The following UGT1A3 variants were observed in gnomAD, a reference collection of about 807,000 sequenced individuals.
UGT1A3 encodes UDP-glucuronosyltransferase 1A3.
A neutral mutation model predicts 41.0 loss-of-function variants in UGT1A3; 31 were observed. The observed-to-expected ratio is 0.76, with a 90% CI of 0.57 to 1.02. The LOEUF is 1.02. Among genes scored for constraint, UGT1A3 ranks in the 50% least tolerant of loss-of-function variants. UGT1A3 has a pLI of 0.00. For missense variants in UGT1A3, 737 were observed against 671.0 expected (o/e 1.10, Z -1.09); for synonymous variants, 262 against 257.6 (o/e 1.02, Z -0.17).
intron 1 of UGT1A3, among the ~76,000 whole-genome samples, chr2:233,739,789 G>C (rs1409404802): frequency 6.6e-6 from 1 of 152,118 alleles, no homozygotes; most frequent in African/African-American, 2.4e-5. Context: ...AGACTTTGGA[G>C]GACAGTTGGG....
intron 1 of UGT1A3, chr2:233,754,796 A>T (rs1379144475): frequency 8.1e-7 from 1 of 1,232,848 alleles, no homozygotes; most frequent in African/African-American, 1.5e-5. Context: ...GAAATCCTGT[A>T]TCAAAAGAAG....
At chr2:233,761,742 A>T (rs1697852650) in intron 1 of UGT1A3, among the ~76,000 whole-genome samples, 2 of 152,204 alleles carry the variant, frequency 1.3e-5, no homozygotes, top group South Asian at 4.1e-4. Flanking sequence ...TCCCCTACAG[A>T]GTTTGAAGTA....
In UGT1A3 at chr2:233,729,968, G is replaced by A. The variant is rs201755757; in HGVS notation, c.842G>A (p.Cys281Tyr). 2.4e-5 allele frequency: 39 copies of A among 1,613,890 alleles called. No individual in the cohort carries two copies. Among genetic ancestry groups the A allele is most frequent in the Non-Finnish European group, 7.6e-6 (9 of 1,179,926 alleles). ...PNMVFIGGIN[C>Y]ANRKPLSQEF... ...ATGGTCTTCATTGGGGGCATCAACTGTGCCAACAGGAAGCCACTATCTCAG... is the reference window on the plus strand; with the variant it reads ...ATGGTCTTCATTGGGGGCATCAACTATGCCAACAGGAAGCCACTATCTCAG... Residue 281 changes from cysteine (C) to tyrosine (Y), a missense_variant, in exon 1 of 5, where the codon TGT becomes TAT. Cys to Tyr is a radical substitution (Grantham distance 194, BLOSUM62 -2). Coordinates refer to ENST00000482026, the MANE Select transcript of UGT1A3 (RefSeq NM_019093.4).
chr2:233,767,666 C>T (rs143192680), intron 2 of UGT1A3, among the ~76,000 whole-genome samples, 183 bp from the exon 3 acceptor site: 1 of 152,190 alleles, frequency 6.6e-6, no homozygotes, highest in East Asian at 1.9e-4. Flanking sequence ...ACCCTTGTAA[C>T]TAAACCTCCA....
rs539398300 is a variant in UGT1A3 at position 233,755,129 on chromosome 2, C to T, written c.868-11905C>T. The T allele has an allele frequency of 4.5e-6, 6 of 1,320,750 alleles. No individual in the cohort carries two copies. The South Asian group carries it at 5.7e-5, about 13-fold the overall frequency. 81.8% of individuals were successfully genotyped at this position (1,320,750 alleles called of 1,614,324 possible). ...ACACCTCGTAGGCCTCAGCCACCTG[C>T]TTGAATCTTCTCACCGCTTCCTCCC... On this transcript the variant is annotated intron_variant, in intron 1 of 4. Transcript: ENST00000482026.
intron 4 of UGT1A3, among the ~76,000 whole-genome samples, chr2:233,771,772 C>T (rs536423324): frequency 2.8e-4 from 43 of 152,144 alleles, no homozygotes; most frequent in African/African-American, 1.0e-3. Flanking sequence ...CCGTCCCTCT[C>T]TCCTTTCCTC....
intron 1 of UGT1A3, chr2:233,747,945 G>T (rs1354187104): frequency 6.2e-7 from 1 of 1,613,364 alleles, no homozygotes; most frequent in East Asian, 2.2e-5. Flanking sequence ...GGAGGTGTCA[G>T]TGGTGGATCT....
chr2:233,755,060 C>T, intron 1 of UGT1A3: 1 of 1,334,970 alleles, frequency 7.5e-7, no homozygotes, highest in Non-Finnish European at 1.0e-6. Context: ...CCGCCCTCGC[C>T]TCGCCATAGC....
At chr2:233,733,770 T>C (rs1256243948) in intron 1 of UGT1A3, among the ~76,000 whole-genome samples, 2 of 152,350 alleles carry the variant, frequency 1.3e-5, no homozygotes, top group East Asian at 3.9e-4. Context: ...AATTTTCTTT[T>C]TTTGTTGTGT....
At chr2:233,737,917 T>TG (rs1690633729) in intron 1 of UGT1A3, among the ~76,000 whole-genome samples, 4 of 152,026 alleles carry the variant, frequency 2.6e-5, no homozygotes, top group African/African-American at 4.8e-5. Flanking sequence ...AACAGGCTAG[T>TG]GTATTTAGTA....
chr2:233,733,827 G>A (rs1305233298), intron 1 of UGT1A3, among the ~76,000 whole-genome samples: 1 of 152,118 alleles, frequency 6.6e-6, no homozygotes, highest in African/African-American at 2.4e-5. Flanking sequence ...CATAAAATGA[G>A]TTAGGGAGGA....
At chr2:233,767,361 T>C (rs990880937) in intron 2 of UGT1A3, among the ~76,000 whole-genome samples, 196 bp downstream of exon 2, 19 of 152,222 alleles carry the variant, frequency 1.2e-4, no homozygotes, top group African/African-American at 3.6e-4. Flanking sequence ...TCAAATACTC[T>C]ATTAAACTAT....
In UGT1A3 at chr2:233,754,546, T is replaced by C. The variant is rs548396817; in HGVS notation, c.868-12488T>C. The C allele has an allele frequency of 8.9e-5, 34 of 380,532 alleles. No homozygotes were observed. In the Middle Eastern group the frequency reaches 1.9e-3, roughly 21 times the overall value. 23.6% of individuals were successfully genotyped at this position (380,532 alleles called of 1,614,324 possible). A position where few individuals can be genotyped will look rare whatever the true frequency, so the allele number is the denominator to read the frequency against. On this transcript the variant is annotated intron_variant, in intron 1 of 4. Transcript: ENST00000482026. ...AAAGGCAAATGTGGACTGGAATTAC[T>C]TGGTGTCAATGGGGAGCAACTGCTC...
rs200102302 is a variant in UGT1A3, at chr2:233,761,088, C to T, written c.868-5946C>T. Reference sequence around the variant, plus strand: ...ACTTTGTGAAGGATTACCCTAGGCCCATCATGCCCAATATGGTTTTTGTTG... The same window carrying T: ...ACTTTGTGAAGGATTACCCTAGGCCTATCATGCCCAATATGGTTTTTGTTG... On this transcript the variant is annotated intron_variant, in intron 1 of 4. Coordinates refer to ENST00000482026, the MANE Select transcript of UGT1A3 (RefSeq NM_019093.4). The T allele has an allele frequency of 4.8e-5, 77 of 1,614,202 alleles. No individual in the cohort carries two copies. Among genetic ancestry groups the T allele is most frequent in the Admixed American group, 1.0e-4 (6 of 60,034 alleles).
chr2:233,773,007 TA>T lies in UGT1A3; in HGVS notation c.*449del, dbSNP rs61757317. On this transcript the variant is annotated 3_prime_UTR_variant, in exon 5 of 5. Coordinates refer to ENST00000482026, the MANE Select transcript of UGT1A3 (RefSeq NM_019093.4). ...CAGTCCTCATCTCTGTCGTGCTTCA[TA>T]GGTGCCACCTTGTGTGTTTAAAGAA... is the stretch of plus-strand genomic sequence containing the variant. 26 of 218,224 alleles carry T rather than the reference TA, an allele frequency of 1.2e-4. No homozygotes were observed. Among genetic ancestry groups the T allele is most frequent in the Non-Finnish European group, 2.2e-4 (24 of 108,252 alleles). The allele number at this position is 218,224 out of a possible 1,614,324, so 13.5% of individuals were successfully genotyped here.
At chr2:233,737,278 C>T (rs2078858551) in intron 1 of UGT1A3, among the ~76,000 whole-genome samples, 2 of 152,234 alleles carry the variant, frequency 1.3e-5, no homozygotes, top group Admixed American at 1.3e-4. Context: ...CACCCCTCAC[C>T]CAGCCAGGCT....
chr2:233,738,561 A>C lies in UGT1A3; in HGVS notation c.867+8568A>C, dbSNP rs200356617. 8.5e-5 allele frequency among the ~76,000 whole-genome samples: 13 copies of C among 152,332 alleles called. No homozygotes were observed. In the East Asian group the frequency reaches 2.5e-3, roughly 29 times the overall value. ...GCTGAGTCTCAGATAGAGATGAGGA[A>C]TCTGTTGAGAACTGGAGCAAAGGTC... On this transcript the variant is annotated intron_variant, in intron 1 of 4. Transcript: ENST00000482026.
At chr2:233,771,789 T>TCCCA (rs1282834982) in intron 4 of UGT1A3, among the ~76,000 whole-genome samples, 7 of 144,234 alleles carry the variant, frequency 4.9e-5, no homozygotes, top group East Asian at 4.5e-4. Flanking sequence ...CCTCTCTCCC[T>TCCCA]CCCTCCCTCC....
Position 233,772,824 on chromosome 2 carries a change from C to A in UGT1A3, c.*265C>A. On this transcript the variant is annotated 3_prime_UTR_variant, in exon 5 of 5. Coordinates refer to ENST00000482026, the MANE Select transcript of UGT1A3 (RefSeq NM_019093.4). ...ATTTTTCAGAGGACGTGCAGACAGG[C>A]TGGCATTCTAGATTACTTTTCTTAC... 3 of 955,748 alleles carry A rather than the reference C, an allele frequency of 3.1e-6. No individual in the cohort carries two copies. The highest frequency in any genetic ancestry group is 2.9e-6 in the Non-Finnish European group (2 of 693,186). 59.2% of individuals were successfully genotyped at this position (955,748 alleles called of 1,614,324 possible).
Sources: allele counts gnomAD v4.1 joint callset (sites outside exome capture counted in the v4.1 genomes callset), GRCh38; gene constraint gnomAD v4.1.1; transcripts MANE v1.5; gene names NCBI Gene and HGNC (gene_info 2026-07-23, HGNC 2026-07-21).